The following NRXN1 variants were observed in gnomAD, a reference collection of about 807,000 sequenced individuals.
The protein encoded by NRXN1 is neurexin-1.
In NRXN1, 39 loss-of-function variants were observed where a neutral mutation model predicts 150.9. The observed-to-expected ratio is 0.26, with a 90% CI of 0.20 to 0.34. The LOEUF (loss-of-function observed/expected upper bound fraction) is 0.34. Ranked by LOEUF, NRXN1 falls within the 10% of genes least tolerant of loss-of-function variation. The pLI is 1.00. For missense variants in NRXN1, 1,815 were observed against 1,949.9 expected, an observed-to-expected ratio of 0.93 and a Z score of 1.30; for synonymous variants, 924 against 757.0, an observed-to-expected ratio of 1.22 and a Z score of -3.62.
At chr2:50,524,516 TAAATA>T (rs1183046306) in intron 12 of NRXN1, among the ~76,000 whole-genome samples, 7 of 106,544 alleles carry the variant, frequency 6.6e-5, no homozygotes, top group Admixed American at 3.6e-4. Flanking sequence ...AATAAATAAA[TAAATA>T]AAATAAAATA....
chr2:50,788,562 C>G (rs973479014), intron 5 of NRXN1, among the ~76,000 whole-genome samples: 1 of 151,702 alleles, frequency 6.6e-6, no homozygotes, highest in Non-Finnish European at 1.5e-5. Flanking sequence ...TCTAAGGTAC[C>G]TACTAGTGGC....
At chr2:50,482,249 G>A (rs1213621279) in intron 15 of NRXN1, among the ~76,000 whole-genome samples, 4 of 152,130 alleles carry the variant, frequency 2.6e-5, no homozygotes, top group South Asian at 2.1e-4. Flanking sequence ...CTATGGGAGC[G>A]TGTAGAGTAA....
intron 8 of NRXN1, among the ~76,000 whole-genome samples, chr2:50,612,241 C>T (rs879653800): frequency 1.3e-4 from 15 of 111,606 alleles, no homozygotes; most frequent in Non-Finnish European, 2.5e-4. Flanking sequence ...TACCTCTTTT[C>T]ATGCTTAGAG....
chr2:50,349,444 G>A (rs1436940626), intron 17 of NRXN1, among the ~76,000 whole-genome samples: 1 of 152,112 alleles, frequency 6.6e-6, no homozygotes. Context: ...AAAAGAAAAG[G>A]AAAATCATCC....
chr2:50,830,865 AG>A (rs1166001714), intron 5 of NRXN1, among the ~76,000 whole-genome samples: 3 of 152,092 alleles, frequency 2.0e-5, no homozygotes, highest in African/African-American at 7.2e-5. Flanking sequence ...TAGACCCAGC[AG>A]AAAAAACGAC....
At chr2:50,872,784 C>G (rs1415444407) in intron 5 of NRXN1, among the ~76,000 whole-genome samples, 1 of 151,586 alleles carries the variant, frequency 6.6e-6, no homozygotes, top group Non-Finnish European at 1.5e-5. Flanking sequence ...AAGATCTTGT[C>G]TCTACAAAAG....
chr2:50,534,099 GCACACACACA>G (rs10544475), intron 10 of NRXN1, among the ~76,000 whole-genome samples: 2 of 147,116 alleles, frequency 1.4e-5, no homozygotes, highest in African/African-American at 5.0e-5. Flanking sequence ...ATCAATAATT[GCACACACACA>G]CACACACACA....
At chr2:50,746,792 A>C (rs544560963) in intron 5 of NRXN1, among the ~76,000 whole-genome samples, 21 of 152,188 alleles carry the variant, frequency 1.4e-4, no homozygotes, top group African/African-American at 4.6e-4. Context: ...GGCGGGACCA[A>C]ATTCTCCTCC....
At position 50,276,736 on chromosome 2, in the gene NRXN1, C is replaced by G. The variant is rs569090996; in HGVS notation, c.3365-39766G>C. Among the ~76,000 whole-genome samples, 10 of 152,296 alleles carry G rather than the reference C, an allele frequency of 6.6e-5. No homozygotes were observed. In the South Asian group the frequency reaches 2.1e-3, roughly 32 times the overall value. ...CTCTAACAGACATGTTGCAAAGCTGCTTGCCATCTTGTAGTCCTATATGAT... is the reference window on the plus strand; with the variant it reads ...CTCTAACAGACATGTTGCAAAGCTGGTTGCCATCTTGTAGTCCTATATGAT... On this transcript the variant is annotated intron_variant, in intron 17 of 22. Coordinates refer to ENST00000401669, the MANE Select transcript of NRXN1 (RefSeq NM_001330078.2).
At chr2:50,650,468 A>C (rs899634759) in intron 5 of NRXN1, among the ~76,000 whole-genome samples, 1 of 152,058 alleles carries the variant, frequency 6.6e-6, no homozygotes, top group South Asian at 2.1e-4. Flanking sequence ...AATGCTTCCA[A>C]ACAATTAATG....
chr2:50,776,655 T>TACACAC (rs59117287), intron 5 of NRXN1, among the ~76,000 whole-genome samples: 2 of 147,308 alleles, frequency 1.4e-5, no homozygotes, highest in Non-Finnish European at 3.0e-5. Flanking sequence ...TATATACACA[T>TACACAC]ACACACACAC....
At chr2:50,964,007 A>G (rs1167017864) in intron 2 of NRXN1, 7 of 435,516 alleles carry the variant, frequency 1.6e-5, no homozygotes, top group Non-Finnish European at 3.2e-5. Context: ...ATAGAGCAAC[A>G]TGCTAATCAG....
chr2:50,891,597 C>T (rs1681075171), intron 5 of NRXN1, among the ~76,000 whole-genome samples: 1 of 152,110 alleles, frequency 6.6e-6, no homozygotes, highest in South Asian at 2.1e-4. Flanking sequence ...TGAAAAATGA[C>T]TGATTAAAAC....
intron 18 of NRXN1, among the ~76,000 whole-genome samples, chr2:50,209,118 T>C (rs1207907434): frequency 6.6e-6 from 1 of 152,124 alleles, no homozygotes; most frequent in African/African-American, 2.4e-5. Flanking sequence ...CTCTAAACAC[T>C]GAAAGAACAA....
intron 15 of NRXN1, among the ~76,000 whole-genome samples, chr2:50,477,520 A>T (rs1230761057): frequency 6.6e-6 from 1 of 152,182 alleles, no homozygotes; most frequent in East Asian, 1.9e-4. Flanking sequence ...CTCTTCACTT[A>T]AAATAGGAAG....
intron 2 of NRXN1, among the ~76,000 whole-genome samples, chr2:50,945,899 T>TATATACAC (rs371095334): frequency 5.8e-5 from 6 of 103,022 alleles, no homozygotes; most frequent in African/African-American, 1.5e-4. Context: ...TATATATATA[T>TATATACAC]ACACACACAC....
intron 8 of NRXN1, among the ~76,000 whole-genome samples, chr2:50,597,054 G>C (rs1033342768): frequency 1.3e-5 from 2 of 151,786 alleles, no homozygotes; most frequent in Non-Finnish European, 1.5e-5. Flanking sequence ...GGTTTCACCA[G>C]GCTGATCTCT....
intron 17 of NRXN1, among the ~76,000 whole-genome samples, chr2:50,241,278 C>A (rs1053823242): frequency 6.6e-6 from 1 of 151,502 alleles, no homozygotes; most frequent in South Asian, 2.1e-4. Context: ...ACCCTGCCAG[C>A]TAGCTTTTTA....
At chr2:50,094,681 A>T (rs1699991480) in intron 18 of NRXN1, among the ~76,000 whole-genome samples, 1 of 151,550 alleles carries the variant, frequency 6.6e-6, no homozygotes, top group Non-Finnish European at 1.5e-5. Context: ...CCTAGGTTAG[A>T]GTCTGTGTAG....
Sources: allele counts gnomAD v4.1 joint callset (sites outside exome capture counted in the v4.1 genomes callset), GRCh38; gene constraint gnomAD v4.1.1; transcripts MANE v1.5; gene names NCBI Gene and HGNC (gene_info 2026-07-23, HGNC 2026-07-21).